The following NEDD4 variants were observed in gnomAD, a reference collection of about 807,000 sequenced individuals.
NEDD4 encodes the protein E3 ubiquitin-protein ligase NEDD4.
A neutral mutation model predicts 144.9 loss-of-function variants in NEDD4; 99 were observed. That is an observed-to-expected ratio of 0.68 (90% CI 0.58 to 0.81). The LOEUF (loss-of-function observed/expected upper bound fraction) is 0.81. Among genes scored for constraint, NEDD4 ranks in the 30% least tolerant of loss-of-function variants. The pLI is 0.00. For missense variants in NEDD4, 985 were observed against 1,065.9 expected (o/e 0.92, Z 1.06); for synonymous variants, 318 against 350.6 (o/e 0.91, Z 1.04).
At chr15:55,925,393 AT>A (rs2036643483) in intron 4 of NEDD4, among the ~76,000 whole-genome samples, 2 of 152,196 alleles carry the variant, frequency 1.3e-5, no homozygotes, top group South Asian at 2.1e-4. Context: ...CAAAGTGGAC[AT>A]TTTTCAGAAA....
At chr15:55,907,156 T>G (rs1257253487) in intron 5 of NEDD4, among the ~76,000 whole-genome samples, 1 of 151,404 alleles carries the variant, frequency 6.6e-6, no homozygotes, top group Non-Finnish European at 1.5e-5. Flanking sequence ...AGGGGGAAAC[T>G]TGGAAGAAAT....
intron 4 of NEDD4, among the ~76,000 whole-genome samples, chr15:55,944,209 G>A (rs527509911): frequency 6.6e-6 from 1 of 152,316 alleles, no homozygotes; most frequent in African/African-American, 2.4e-5. Context: ...AAGTGCAAGG[G>A]GTCAGGGGAT....
chr15:55,876,655 C>T (rs2035004901), intron 5 of NEDD4, among the ~76,000 whole-genome samples: 1 of 151,738 alleles, frequency 6.6e-6, no homozygotes, highest in African/African-American at 2.4e-5. Context: ...AAAAGAGAAA[C>T]AAAGAAACAG....
intron 5 of NEDD4, among the ~76,000 whole-genome samples, chr15:55,912,539 G>A (rs1440945238): frequency 2.0e-5 from 3 of 152,050 alleles, no homozygotes; most frequent in African/African-American, 7.2e-5. Flanking sequence ...AAATGCTAAT[G>A]CACATTAAAT....
At chr15:55,870,973 C>T (rs1481823904) in intron 7 of NEDD4, among the ~76,000 whole-genome samples, 1 of 152,104 alleles carries the variant, frequency 6.6e-6, no homozygotes, top group Non-Finnish European at 1.5e-5. Flanking sequence ...TACCCTTTGT[C>T]TTTCTAGACA....
At position 55,993,534 on chromosome 15, in the gene NEDD4, C is replaced by A; in HGVS notation, c.22G>T (p.Val8Leu). The change falls in exon 1 of 29, where the codon GTG becomes TTG. Residue 8 changes from valine (V) to leucine (L), a missense_variant. Coordinates refer to ENST00000435532, the MANE Select transcript of NEDD4 (RefSeq NM_006154.4). ...ACCTCGTCCTCCAGGAGCCCGAACA[C>A]CTCCACCGCGCAAGTTGCCATTTCC... The part of the protein sequence containing the change: MATCAVE[V>L]FGLLEDEENS... The A allele has an allele frequency of 6.3e-7, 1 of 1,597,436 alleles. No homozygotes were observed. The highest frequency in any genetic ancestry group is 2.3e-5 in the East Asian group (1 of 42,692).
chr15:55,984,671 T>A (rs1349070479), intron 1 of NEDD4, among the ~76,000 whole-genome samples: 1 of 152,224 alleles, frequency 6.6e-6, no homozygotes, highest in African/African-American at 2.4e-5. Context: ...ACATATTTAC[T>A]CAACTTTCAG....
At position 55,860,744 on chromosome 15, in the gene NEDD4, G is replaced by T. The variant is rs565198460; in HGVS notation, c.709C>A (p.Gln237Lys). 10 of 1,614,128 alleles carry T rather than the reference G, an allele frequency of 6.2e-6. No homozygotes were observed. In the Admixed American group the frequency reaches 6.7e-5, roughly 11 times the overall value. Residue 237 changes from glutamine (Q) to lysine (K), a missense_variant, in exon 10 of 29, where the codon CAA becomes AAA. By Grantham distance (53) the Gln-to-Lys change is moderately conservative. Transcript: ENST00000435532. The stretch of plus-strand genomic sequence containing the variant: ...GTAAATGCACGTTGTGCTTGCAGTT[G>T]AATGTTGCCATTCTCAGCATCTGTT... ...NLTDAENGNI[Q>K]LQAQRAFTTR...
At position 55,838,564 on chromosome 15, in the gene NEDD4, T is replaced by C. The variant is rs562243154; in HGVS notation, c.2072A>G (p.Asn691Ser). ...YYNSLRWILE[N>S]DPTELDLRFI... ...CCTGAGGTCCAATTCTGTTGGGTCA[T>C]TTTCAAGAATCCATCTTAGGGAATT... Residue 691 changes from asparagine (N) to serine (S), a missense_variant, in exon 22 of 29, where the codon AAT (asparagine) becomes AGT (serine). Asn to Ser is a conservative substitution (Grantham distance 46, BLOSUM62 1). Coordinates refer to ENST00000435532, the MANE Select transcript of NEDD4 (RefSeq NM_006154.4). The C allele has an allele frequency of 6.2e-7, 1 of 1,612,494 alleles. No homozygotes were observed. Among genetic ancestry groups the C allele is most frequent in the Non-Finnish European group, 8.5e-7 (1 of 1,179,052 alleles).
intron 5 of NEDD4, among the ~76,000 whole-genome samples, chr15:55,879,585 G>C (rs1384791804): frequency 6.6e-6 from 1 of 152,086 alleles, no homozygotes; most frequent in African/African-American, 2.4e-5. Flanking sequence ...GAAACACACA[G>C]ACCTAAATGA....
At chr15:55,900,246 G>C (rs2035871117) in intron 5 of NEDD4, among the ~76,000 whole-genome samples, 1 of 152,172 alleles carries the variant, frequency 6.6e-6, no homozygotes, top group African/African-American at 2.4e-5. Flanking sequence ...TGGAAATACT[G>C]CTCCACAGGA....
chr15:55,969,122 T>C (rs538519635), intron 1 of NEDD4, among the ~76,000 whole-genome samples: 1 of 152,268 alleles, frequency 6.6e-6, no homozygotes, highest in African/African-American at 2.4e-5. Context: ...ATCTATGCCT[T>C]TGCGGGACGA....
At chr15:55,925,567 A>T (rs2036647035) in intron 4 of NEDD4, among the ~76,000 whole-genome samples, 1 of 152,198 alleles carries the variant, frequency 6.6e-6, no homozygotes, top group South Asian at 2.1e-4. Context: ...TTTCAAAGCC[A>T]ATGCTTTCAT....
At position 55,841,781 on chromosome 15, in the gene NEDD4, T is replaced by C. The variant is rs573181000; in HGVS notation, c.1838+153A>G. Among the ~76,000 whole-genome samples the C allele has an allele frequency of 1.0e-3, 154 of 152,100 alleles. 1 individual carries two copies. Among genetic ancestry groups the C allele is most frequent in the South Asian group, 2.5e-3 (12 of 4,804 alleles). On this transcript the variant is annotated intron_variant, in intron 19 of 28. Transcript: ENST00000435532. ...AGAGACGGGGTTTCACCGTGTTAGC[T>C]AGGATGGTCTCGATATCCTGACCTT...
intron 4 of NEDD4, among the ~76,000 whole-genome samples, chr15:55,948,785 C>A (rs1355438042): frequency 1.3e-5 from 2 of 152,138 alleles, no homozygotes; most frequent in Non-Finnish European, 2.9e-5. Flanking sequence ...CTTCCTTACA[C>A]CTTATACAAA....
At chr15:55,966,886 T>C (rs1227393664) in intron 1 of NEDD4, among the ~76,000 whole-genome samples, 1 of 152,172 alleles carries the variant, frequency 6.6e-6, no homozygotes, top group African/African-American at 2.4e-5. Context: ...TCATAACCAT[T>C]TGGCTTTTGG....
intron 2 of NEDD4, among the ~76,000 whole-genome samples, chr15:55,962,651 C>A (rs1468308902): frequency 3.3e-5 from 5 of 151,702 alleles, no homozygotes; most frequent in African/African-American, 1.2e-4. Context: ...ACCATGTTGC[C>A]CAGGCTACTC....
intron 8 of NEDD4, among the ~76,000 whole-genome samples, chr15:55,865,552 T>TA (rs34895974): frequency 0.72 from 106,955 of 149,028 alleles, 38,540 homozygotes; most frequent in Non-Finnish European, 0.79. Context: ...TAAATAACAT[T>TA]AAAAAAAAAA....
intron 5 of NEDD4, among the ~76,000 whole-genome samples, chr15:55,899,808 G>A (rs1273777161): frequency 6.6e-6 from 1 of 152,162 alleles, no homozygotes; most frequent in East Asian, 1.9e-4. Flanking sequence ...ATGTAGCTAT[G>A]GAGCACAGGA....
Sources: allele counts gnomAD v4.1 joint callset (sites outside exome capture counted in the v4.1 genomes callset), GRCh38; gene constraint gnomAD v4.1.1; transcripts MANE v1.5; gene names NCBI Gene and HGNC (gene_info 2026-07-23, HGNC 2026-07-21).